DRD2: variants seen among roughly 807,000 people sequenced by gnomAD.
The protein encoded by DRD2 is D(2) dopamine receptor.
DRD2 carries 8 observed loss-of-function variants against 38.0 expected under a neutral mutation model. The observed-to-expected ratio is 0.21, with a 90% CI of 0.12 to 0.38. The LOEUF (loss-of-function observed/expected upper bound fraction) is 0.38. Among genes scored for constraint, DRD2 ranks in the 10% least tolerant of loss-of-function variants. The pLI is 1.00. For synonymous variants in DRD2, 230 were observed against 238.6 expected, an observed-to-expected ratio of 0.96 and a Z score of 0.33; for missense variants, 403 against 607.7, an observed-to-expected ratio of 0.66 and a Z score of 3.54.
intron 1 of DRD2, among the ~76,000 whole-genome samples, chr11:113,431,818 C>T (rs1036947783): frequency 2.6e-5 from 4 of 152,348 alleles, no homozygotes; most frequent in South Asian, 2.1e-4. Context: ...ATTTTCTGTG[C>T]GTGCCCTAAT....
chr11:113,424,941 A>AT, intron 1 of DRD2: 1 of 483,492 alleles, frequency 2.1e-6, no homozygotes. Context: ...CTGATCCATC[A>AT]TTTATTTATT....
chr11:113,426,347 C>T (rs748262912), intron 1 of DRD2, among the ~76,000 whole-genome samples: 4 of 152,128 alleles, frequency 2.6e-5, no homozygotes, highest in Non-Finnish European at 5.9e-5. Context: ...ATGAACTTGA[C>T]AGCCGGAGTT....
intron 1 of DRD2, among the ~76,000 whole-genome samples, chr11:113,459,815 T>A (rs192431869): frequency 3.9e-4 from 59 of 152,266 alleles, no homozygotes; most frequent in Admixed American, 1.5e-3. Context: ...GAAAGATAAA[T>A]GTTTGAGGTG....
At chr11:113,470,502 C>T (rs565272089) in intron 1 of DRD2, among the ~76,000 whole-genome samples, 2 of 152,192 alleles carry the variant, frequency 1.3e-5, no homozygotes, top group South Asian at 2.1e-4. Flanking sequence ...CTGACATTAC[C>T]CAGAGGGCTG....
intron 1 of DRD2, among the ~76,000 whole-genome samples, chr11:113,442,815 G>C (rs948001304): frequency 1.3e-5 from 2 of 152,190 alleles, no homozygotes; most frequent in African/African-American, 4.8e-5. Context: ...GGCAAATCGA[G>C]GTCTGGACTC....
intron 1 of DRD2, among the ~76,000 whole-genome samples, chr11:113,461,442 A>G (rs1462528663): frequency 6.6e-6 from 1 of 152,124 alleles, no homozygotes; most frequent in Non-Finnish European, 1.5e-5. Flanking sequence ...CACCCCACAC[A>G]TCAGGGAGCA....
chr11:113,449,305 A>G (rs1409594751), intron 1 of DRD2, among the ~76,000 whole-genome samples: 1 of 152,142 alleles, frequency 6.6e-6, no homozygotes, highest in Non-Finnish European at 1.5e-5. Context: ...CTGTGCTCCC[A>G]TAGAGTCTGA....
intron 4 of DRD2, 50 bp from the exon 5 acceptor site, chr11:113,415,661 C>A: frequency 6.4e-7 from 1 of 1,561,110 alleles, no homozygotes; most frequent in Non-Finnish European, 8.7e-7. Flanking sequence ...GCCCACCGGC[C>A]ATAATTCCAC....
At chr11:113,418,940 A>G (rs564760154) in intron 2 of DRD2, among the ~76,000 whole-genome samples, 1 of 152,298 alleles carries the variant, frequency 6.6e-6, no homozygotes, top group Non-Finnish European at 1.5e-5. Context: ...TTCTAGGGAC[A>G]TTGTGTATCA....
chr11:113,452,549 C>A (rs1951226819), intron 1 of DRD2, among the ~76,000 whole-genome samples: 1 of 151,602 alleles, frequency 6.6e-6, no homozygotes, highest in African/African-American at 2.4e-5. Context: ...CCCCAGGGTC[C>A]TACTCAAACC....
chr11:113,421,002 G>A (rs71477209), intron 2 of DRD2, among the ~76,000 whole-genome samples: 2 of 152,066 alleles, frequency 1.3e-5, no homozygotes, highest in South Asian at 4.2e-4. Context: ...ATAATACTAA[G>A]GACTTACCAT....
intron 1 of DRD2, among the ~76,000 whole-genome samples, chr11:113,434,410 AGATCCTTCGT>A (rs2138196025): frequency 6.6e-6 from 1 of 152,286 alleles, no homozygotes; most frequent in Admixed American, 6.5e-5. Context: ...TTCTCCTCCC[AGATCCTTCGT>A]GAAGGGTACA....
At chr11:113,455,207 C>T (rs1483585762) in intron 1 of DRD2, among the ~76,000 whole-genome samples, 1 of 151,710 alleles carries the variant, frequency 6.6e-6, no homozygotes, top group South Asian at 2.1e-4. Flanking sequence ...TAAAATAATA[C>T]AAAAAATTAG....
In DRD2 at chr11:113,465,688, G is replaced by A. The variant is rs1268230380; in HGVS notation, c.-32+9388C>T. ...GAGCCAGGTGTGGAGGAAAAACCCT[G>A]GGCAGAAGTGAGTTCTAGTCCAGCT... On this transcript the variant is annotated intron_variant, in intron 1 of 7. Transcript: ENST00000362072. 2.0e-5 allele frequency among the ~76,000 whole-genome samples: 3 copies of A among 152,266 alleles called. No homozygotes were observed. The South Asian group carries it at 6.2e-4, about 32-fold the overall frequency.
chr11:113,454,141 A>G (rs1231815281), intron 1 of DRD2, among the ~76,000 whole-genome samples: 1 of 152,124 alleles, frequency 6.6e-6, no homozygotes, highest in Admixed American at 6.6e-5. Flanking sequence ...TACACAATAA[A>G]ATCATTAAAT....
At chr11:113,437,968 G>T (rs1951054677) in intron 1 of DRD2, among the ~76,000 whole-genome samples, 1 of 152,162 alleles carries the variant, frequency 6.6e-6, no homozygotes, top group South Asian at 2.1e-4. Context: ...GGGGTGCAGA[G>T]GAGCCCCCAG....
At chr11:113,466,901 C>T (rs1035477942) in intron 1 of DRD2, among the ~76,000 whole-genome samples, 4 of 152,298 alleles carry the variant, frequency 2.6e-5, no homozygotes, top group Non-Finnish European at 4.4e-5. Flanking sequence ...TAGCATTAAG[C>T]ATTAAGTTGG....
At chr11:113,461,573 G>A (rs10891551) in intron 1 of DRD2, among the ~76,000 whole-genome samples, 25,332 of 152,136 alleles carry the variant, frequency 0.17, 2,471 homozygotes, top group East Asian at 0.4. Flanking sequence ...TATAAGAGAA[G>A]AACATTGCTT....
intron 1 of DRD2, among the ~76,000 whole-genome samples, chr11:113,458,882 G>T (rs192081501): frequency 1.3e-5 from 2 of 152,046 alleles, no homozygotes; most frequent in African/African-American, 4.8e-5. Flanking sequence ...GGTCATTATC[G>T]ACCTCACATG....
Sources: allele counts gnomAD v4.1 joint callset (sites outside exome capture counted in the v4.1 genomes callset), GRCh38; gene constraint gnomAD v4.1.1; transcripts MANE v1.5; gene names NCBI Gene and HGNC (gene_info 2026-07-23, HGNC 2026-07-21).